ITGBL1: variants seen among roughly 807,000 people sequenced by gnomAD.
The protein encoded by ITGBL1 is integrin subunit beta like 1, also known as integrin beta-like protein 1.
In ITGBL1, 51 loss-of-function variants were observed where a neutral mutation model predicts 68.5. That is an observed-to-expected ratio of 0.74 (90% CI 0.59 to 0.94). ITGBL1 has a LOEUF of 0.94. ITGBL1 is among the 40% of genes least tolerant of loss of function. The probability of loss-of-function intolerance (pLI) is 0.00; values close to 1 mark genes in which losing one functional copy is unlikely to be tolerated. For missense variants in ITGBL1, 649 were observed against 647.4 expected (o/e 1.00, Z -0.03); for synonymous variants, 209 against 227.3 (o/e 0.92, Z 0.72).
chr13:101,616,904 A>T (rs550484292), intron 7 of ITGBL1, among the ~76,000 whole-genome samples: 2 of 152,288 alleles, frequency 1.3e-5, no homozygotes, highest in South Asian at 4.1e-4. Context: ...CCTGGAATTC[A>T]TGCAACCCCA....
intron 7 of ITGBL1, among the ~76,000 whole-genome samples, chr13:101,662,042 C>A (rs2139480658): frequency 6.6e-6 from 1 of 152,272 alleles, no homozygotes; most frequent in East Asian, 1.9e-4. Context: ...TAGAGCTTAT[C>A]ATTGTTTAAA....
At chr13:101,551,299 C>T (rs920117329) in intron 2 of ITGBL1, among the ~76,000 whole-genome samples, 3 of 152,142 alleles carry the variant, frequency 2.0e-5, no homozygotes, top group East Asian at 1.9e-4. Context: ...AACCTACCTT[C>T]GCCTAATGTA....
rs546489378 is a variant in ITGBL1, at chr13:101,578,541, A to G, written c.587-746A>G. On this transcript the variant is annotated intron_variant, in intron 4 of 10. Transcript: ENST00000376180. Reference sequence around the variant, plus strand: ...TGTGGATGAGGAAAGCAATGGTGCGATAATTCACTACAGATGGCTTGGAGG... The same window carrying G: ...TGTGGATGAGGAAAGCAATGGTGCGGTAATTCACTACAGATGGCTTGGAGG... Among the ~76,000 whole-genome samples the G allele has an allele frequency of 2.0e-5, 3 of 152,346 alleles. No homozygotes were observed. The East Asian group carries it at 5.8e-4, about 29-fold the overall frequency.
At chr13:101,456,088 C>G (rs1435104845) in intron 2 of ITGBL1, among the ~76,000 whole-genome samples, 1 of 152,170 alleles carries the variant, frequency 6.6e-6, no homozygotes, top group Non-Finnish European at 1.5e-5. Context: ...TTACTCATAG[C>G]ATCTTAGTCA....
chr13:101,707,783 G>A (rs1045956867), intron 9 of ITGBL1, among the ~76,000 whole-genome samples: 3 of 151,036 alleles, frequency 2.0e-5, no homozygotes, highest in Non-Finnish European at 2.9e-5. Context: ...AACCCAGGAC[G>A]TGGAGGTCGC....
intron 6 of ITGBL1, among the ~76,000 whole-genome samples, chr13:101,589,631 A>G (rs16959144): frequency 0.016 from 2,499 of 152,338 alleles, 71 homozygotes; most frequent in African/African-American, 0.056. Flanking sequence ...GTTTAGGGCT[A>G]AGGTCTTTTA....
intron 2 of ITGBL1, among the ~76,000 whole-genome samples, chr13:101,556,013 A>G (rs542917059): frequency 3.9e-5 from 6 of 152,314 alleles, no homozygotes; most frequent in African/African-American, 1.2e-4. Flanking sequence ...CTGCTCTCCA[A>G]ACACTTTCAG....
intron 4 of ITGBL1, among the ~76,000 whole-genome samples, chr13:101,576,190 G>A (rs1360198079): frequency 6.6e-6 from 1 of 152,144 alleles, no homozygotes; most frequent in African/African-American, 2.4e-5. Context: ...GTGGAACCTG[G>A]GACGTGGATA....
At chr13:101,634,713 G>A (rs961995399) in intron 7 of ITGBL1, among the ~76,000 whole-genome samples, 3 of 152,102 alleles carry the variant, frequency 2.0e-5, no homozygotes, top group Admixed American at 6.6e-5. Context: ...TCTCACAGAT[G>A]TCTTACATTT....
intron 2 of ITGBL1, among the ~76,000 whole-genome samples, chr13:101,548,476 C>A (rs368123456): frequency 5.9e-5 from 9 of 151,728 alleles, no homozygotes; most frequent in Admixed American, 3.3e-4. Context: ...AATGTATGAC[C>A]ACAATTTAAA....
intron 6 of ITGBL1, among the ~76,000 whole-genome samples, chr13:101,591,219 A>G (rs2050648331): frequency 6.6e-6 from 1 of 152,218 alleles, no homozygotes; most frequent in Non-Finnish European, 1.5e-5. Context: ...TCTTAAACTG[A>G]GATGAATGAA....
At chr13:101,669,315 T>C (rs1293020241) in intron 7 of ITGBL1, among the ~76,000 whole-genome samples, 1 of 151,906 alleles carries the variant, frequency 6.6e-6, no homozygotes, top group African/African-American at 2.4e-5. Context: ...GTGAATAATA[T>C]GAAAAATAAT....
At chr13:101,551,657 G>A (rs1452555432) in intron 2 of ITGBL1, among the ~76,000 whole-genome samples, 1 of 152,158 alleles carries the variant, frequency 6.6e-6, no homozygotes, top group Non-Finnish European at 1.5e-5. Context: ...TCCTTTTCTA[G>A]AAGTGAGGAT....
At chr13:101,552,702 G>A (rs927531892) in intron 2 of ITGBL1, among the ~76,000 whole-genome samples, 1 of 152,166 alleles carries the variant, frequency 6.6e-6, no homozygotes, top group Non-Finnish European at 1.5e-5. Context: ...TTACAATAAA[G>A]TTAACTCAAA....
At chr13:101,590,078 C>T (rs974783107) in intron 6 of ITGBL1, among the ~76,000 whole-genome samples, 3 of 152,076 alleles carry the variant, frequency 2.0e-5, no homozygotes, top group Admixed American at 6.5e-5. Flanking sequence ...GAAAGACCGC[C>T]AAAGATTTCT....
chr13:101,456,882 T>C (rs1434507261), intron 2 of ITGBL1, among the ~76,000 whole-genome samples: 1 of 152,090 alleles, frequency 6.6e-6, no homozygotes, highest in African/African-American at 2.4e-5. Flanking sequence ...GCCGTTGCAC[T>C]CTAGCCTAGG....
chr13:101,655,758 A>C (rs757493616), intron 7 of ITGBL1, among the ~76,000 whole-genome samples: 1 of 152,246 alleles, frequency 6.6e-6, no homozygotes, highest in Non-Finnish European at 1.5e-5. Context: ...GTATGGAGGC[A>C]GATCTTATGA....
chr13:101,541,584 G>A (rs2049703638), intron 2 of ITGBL1, among the ~76,000 whole-genome samples: 1 of 152,158 alleles, frequency 6.6e-6, no homozygotes, highest in South Asian at 2.1e-4. Flanking sequence ...AAGTTAGGGA[G>A]GATTCCCTCT....
At chr13:101,461,401 C>T (rs1014583087) in intron 2 of ITGBL1, among the ~76,000 whole-genome samples, 1 of 151,960 alleles carries the variant, frequency 6.6e-6, no homozygotes, top group Admixed American at 6.6e-5. Context: ...GATCAATGCC[C>T]TAGGAGGGAC....
Sources: allele counts gnomAD v4.1 joint callset (sites outside exome capture counted in the v4.1 genomes callset), GRCh38; gene constraint gnomAD v4.1.1; transcripts MANE v1.5; gene names NCBI Gene and HGNC (gene_info 2026-07-23, HGNC 2026-07-21).